Variants in NCKAP1 observed in about 807,000 individuals in gnomAD.
The protein encoded by NCKAP1 is NCK associated protein 1, also known as nck-associated protein 1.
A neutral mutation model predicts 151.2 loss-of-function variants in NCKAP1; 21 were observed. That is an observed-to-expected ratio of 0.14 (90% CI 0.10 to 0.20). NCKAP1 has a LOEUF of 0.20. NCKAP1 is among the 10% of genes least tolerant of loss of function. The probability of loss-of-function intolerance (pLI) is 1.00; values close to 1 mark genes in which losing one functional copy is unlikely to be tolerated. For synonymous variants in NCKAP1, 484 were observed against 451.8 expected (o/e 1.07, Z -0.90); for missense variants, 933 against 1,352.1 (o/e 0.69, Z 4.86).
intron 15 of NCKAP1, among the ~76,000 whole-genome samples, chr2:182,971,393 CAAAAAA>C (rs1190689259): frequency 2.9e-5 from 2 of 68,968 alleles, no homozygotes; most frequent in African/African-American, 1.0e-4. Flanking sequence ...GACTCCGTCT[CAAAAAA>C]AAAAAAAAAA....
chr2:182,921,740 G>A lies in NCKAP1; in HGVS notation c.*3962C>T, dbSNP rs924061638. The A allele has an allele frequency of 2.0e-5, 3 of 152,168 alleles. No homozygotes were observed. The highest frequency in any genetic ancestry group is 4.4e-5 in the Non-Finnish European group (3 of 68,032). 9.4% of individuals were successfully genotyped at this position (152,168 alleles called of 1,614,324 possible). ...TTTATTGGAAATGAAACATTCCAGA[G>A]TTAGACATGTTTACTCTGGACAGTC... On this transcript the variant is annotated 3_prime_UTR_variant, in exon 31 of 31. Transcript: ENST00000361354.
chr2:183,010,378 C>G (rs1230240794), intron 2 of NCKAP1, among the ~76,000 whole-genome samples: 1 of 152,212 alleles, frequency 6.6e-6, no homozygotes, highest in Non-Finnish European at 1.5e-5. Context: ...AGCATCCCTG[C>G]TGTTCCAGCT....
Position 182,912,916 on chromosome 2 carries a change from G to C in NCKAP1, c.*12786C>G, listed in dbSNP as rs1027978965. 8.1e-6 allele frequency: 1 copy of C among 122,894 alleles called. No homozygotes were observed. Among genetic ancestry groups the C allele is most frequent in the Admixed American group, 8.6e-5 (1 of 11,600 alleles). 7.6% of individuals were successfully genotyped at this position (122,894 alleles called of 1,614,324 possible). The stretch of plus-strand genomic sequence containing the variant: ...ATTCAGCCAGATGAACTTTAGTTAA[G>C]TGCAATTTATGTTTTTGCTAATGGC... On this transcript the variant is annotated 3_prime_UTR_variant, in exon 31 of 31. Transcript: ENST00000361354.
At chr2:183,037,886 T>G in intron 1 of NCKAP1, 106 bp downstream of exon 1, 3 of 822,864 alleles carry the variant, frequency 3.6e-6, no homozygotes, top group Non-Finnish European at 5.1e-6. Flanking sequence ...GACGCCGAGA[T>G]TTCTACACCC....
chr2:182,914,989 C>T lies in NCKAP1; in HGVS notation c.*10713G>A. 6.6e-6 allele frequency: 1 copy of T among 152,304 alleles called. No individual in the cohort carries two copies. The allele number at this position is 152,304 out of a possible 1,614,324, so 9.4% of individuals were successfully genotyped here. ...CATTTAAGCTGGGAATGCAGCCATA[C>T]CGGGTGTCAGAGCATGTTGTGAGCA... On this transcript the variant is annotated 3_prime_UTR_variant, in exon 31 of 31. Coordinates refer to ENST00000361354, the MANE Select transcript of NCKAP1 (RefSeq NM_013436.5).
intron 13 of NCKAP1, 79 bp from the exon 14 acceptor site, chr2:182,978,994 A>G: frequency 1.1e-6 from 1 of 871,118 alleles, no homozygotes; most frequent in Non-Finnish European, 1.8e-6. Flanking sequence ...GTGGACGGAT[A>G]AACAAACTGG....
intron 8 of NCKAP1, among the ~76,000 whole-genome samples, chr2:182,994,452 A>G (rs1365365967): frequency 6.6e-6 from 1 of 152,062 alleles, no homozygotes; most frequent in Non-Finnish European, 1.5e-5. Flanking sequence ...AGCCTGACCA[A>G]TATGGAGAAA....
At chr2:182,956,095 G>A (rs1435362869) in intron 20 of NCKAP1, among the ~76,000 whole-genome samples, 1 of 152,154 alleles carries the variant, frequency 6.6e-6, no homozygotes, top group Non-Finnish European at 1.5e-5. Flanking sequence ...AGGCTGGAGT[G>A]CAGTGGCATG....
At position 183,003,228 on chromosome 2, in the gene NCKAP1, C is replaced by T. The variant is rs533725271; in HGVS notation, c.312+5G>A. On this transcript the variant is annotated splice_donor_5th_base_variant and intron_variant, in intron 3 of 30. Coordinates refer to ENST00000361354, the MANE Select transcript of NCKAP1 (RefSeq NM_013436.5). ...GTGTTAAATATTATATATTAAAATA[C>T]ATACCTTAAATTCCATAACATCTAC... 3.5e-6 allele frequency: 5 copies of T among 1,448,976 alleles called. No individual in the cohort carries two copies. The African/African-American group carries it at 4.3e-5, about 12-fold the overall frequency. The allele number at this position is 1,448,976 out of a possible 1,614,324, so 89.8% of individuals were successfully genotyped here.
At chr2:182,925,865 T>A in intron 30 of NCKAP1, 47 bp from the exon 31 acceptor site, 3 of 1,052,404 alleles carry the variant, frequency 2.9e-6, no homozygotes, top group Non-Finnish European at 1.4e-6. Flanking sequence ...TATAACTTGT[T>A]TATAAACAAA....
intron 1 of NCKAP1, 86 bp from the exon 2 acceptor site, chr2:183,024,002 G>T (rs779438477): frequency 9.6e-7 from 1 of 1,045,144 alleles, no homozygotes; most frequent in Non-Finnish European, 1.4e-6. Context: ...AAATTAAAGA[G>T]ATATTTATTG....
intron 23 of NCKAP1, among the ~76,000 whole-genome samples, chr2:182,945,476 C>G (rs1575021748): frequency 1.3e-5 from 2 of 151,970 alleles, no homozygotes; most frequent in African/African-American, 4.8e-5. Context: ...CCCCAAAACA[C>G]AAAACACTGT....
At chr2:182,984,180 C>A (rs1698000988) in intron 10 of NCKAP1, among the ~76,000 whole-genome samples, 1 of 151,930 alleles carries the variant, frequency 6.6e-6, no homozygotes, top group Non-Finnish European at 1.5e-5. Flanking sequence ...AAACTGAATA[C>A]ACAAGAGCTA....
rs565742795 is a variant in NCKAP1 at position 182,921,484 on chromosome 2, C to T, written c.*4218G>A. On this transcript the variant is annotated 3_prime_UTR_variant, in exon 31 of 31. Transcript: ENST00000361354. Reference sequence around the variant, plus strand: ...TACCTAGTACAACCCCATCTCCAGGCCACCCATTTACCAAGTTTGTGGCCC... The same window carrying T: ...TACCTAGTACAACCCCATCTCCAGGTCACCCATTTACCAAGTTTGTGGCCC... The T allele has an allele frequency of 4.6e-5, 7 of 152,286 alleles. No individual in the cohort carries two copies. Among genetic ancestry groups the T allele is most frequent in the African/African-American group, 1.7e-4 (7 of 41,540 alleles). The allele number at this position is 152,286 out of a possible 1,614,324, so 9.4% of individuals were successfully genotyped here.
rs1559081585 is a variant in NCKAP1 at position 182,957,434 on chromosome 2, GTATAA to G, written c.2021+18_2021+22del. On this transcript the variant is annotated intron_variant, in intron 19 of 30. Coordinates refer to ENST00000361354, the MANE Select transcript of NCKAP1 (RefSeq NM_013436.5). ...TAAATATTTTACCTGGAGCAAAAAGGTATAATATAAGTGGATACTTACTTGGTCAC... is the reference window on the plus strand; with the variant it reads ...TAAATATTTTACCTGGAGCAAAAAGGTATAAGTGGATACTTACTTGGTCAC... 3.8e-6 allele frequency: 6 copies of G among 1,597,538 alleles called. No homozygotes were observed. The highest frequency in any genetic ancestry group is 4.5e-5 in the East Asian group (2 of 44,646).
intron 2 of NCKAP1, among the ~76,000 whole-genome samples, chr2:183,015,110 T>A (rs552047792): frequency 5.3e-5 from 8 of 152,210 alleles, no homozygotes; most frequent in Non-Finnish European, 7.3e-5. Context: ...AAAGTCTCTT[T>A]GAGTTGAAGA....
intron 15 of NCKAP1, among the ~76,000 whole-genome samples, chr2:182,968,155 AG>A (rs1697613803): frequency 6.6e-6 from 1 of 152,200 alleles, no homozygotes. Context: ...TGAAGCACTA[AG>A]GGTTCTATGT....
At position 182,918,308 on chromosome 2, in the gene NCKAP1, A is replaced by T. The variant is rs1227563039; in HGVS notation, c.*7394T>A. 6.6e-6 allele frequency: 1 copy of T among 152,140 alleles called. No homozygotes were observed. The highest frequency in any genetic ancestry group is 1.5e-5 in the Non-Finnish European group (1 of 68,016). The allele number at this position is 152,140 out of a possible 1,614,324, so 9.4% of individuals were successfully genotyped here. Reference sequence around the variant, plus strand: ...GTAAAGCAGTTTCAAATGCTACTGGATAGAATTTGATCCAGCAATCCTACT... The same window carrying T: ...GTAAAGCAGTTTCAAATGCTACTGGTTAGAATTTGATCCAGCAATCCTACT... On this transcript the variant is annotated 3_prime_UTR_variant, in exon 31 of 31. Transcript: ENST00000361354.
intron 9 of NCKAP1, among the ~76,000 whole-genome samples, chr2:182,986,783 A>T (rs941805625): frequency 1.4e-4 from 21 of 152,114 alleles, no homozygotes; most frequent in South Asian, 2.1e-4. Context: ...GTATTTTTTT[A>T]AAAAAACTTA....
Sources: allele counts gnomAD v4.1 joint callset (sites outside exome capture counted in the v4.1 genomes callset), GRCh38; gene constraint gnomAD v4.1.1; transcripts MANE v1.5; gene names NCBI Gene and HGNC (gene_info 2026-07-23, HGNC 2026-07-21).